Variants in S100A12 observed in about 807,000 individuals in gnomAD.
S100A12 encodes the protein protein S100-A12.
S100A12 carries 3 observed loss-of-function variants against 4.0 expected under a neutral mutation model. The ratio of observed to expected loss-of-function variants is 0.75; its 90% CI spans 0.34 to 1.94. The LOEUF (loss-of-function observed/expected upper bound fraction) is 1.94, where lower values mean the gene tolerates loss of function less well. Among genes scored for constraint, S100A12 ranks in the 30% most tolerant of loss-of-function variants. The pLI is 0.07. For synonymous variants in S100A12, 50 were observed against 41.4 expected (o/e 1.21, Z -0.79); for missense variants, 122 against 107.0 (o/e 1.14, Z -0.62).
At chr1:153,374,324 G>C (rs1455565571) in intron 2 of S100A12, 131 bp downstream of exon 2, 3 of 805,950 alleles carry the variant, frequency 3.7e-6, no homozygotes, top group Non-Finnish European at 5.9e-6. Flanking sequence ...GCAGCGGGGA[G>C]AGCATCCTTT....
intron 1 of S100A12, among the ~76,000 whole-genome samples, 167 bp from the exon 2 acceptor site, chr1:153,374,779 G>A (rs946551834): frequency 2.0e-5 from 3 of 152,128 alleles, no homozygotes; most frequent in African/African-American, 4.8e-5. Context: ...TGTGTGGATA[G>A]GATGGGGAGG....
chr1:153,374,166 C>G (rs1006051090), intron 2 of S100A12, 199 bp from the exon 3 acceptor site: 1 of 707,330 alleles, frequency 1.4e-6, no homozygotes, highest in African/African-American at 1.8e-5. Flanking sequence ...AAGGCTTGAC[C>G]TGGAAGGTAC....
Position 153,374,517 on chromosome 1 carries a change from C to A in S100A12, c.76G>T (p.Asp26Tyr). Reference sequence around the variant, plus strand: ...TTCAGCTCACCCTTAGAGAGGGTGTCAAAATGCCCCTTCCGAACTGAGTAT... The same window carrying A: ...TTCAGCTCACCCTTAGAGAGGGTGTAAAAATGCCCCTTCCGAACTGAGTAT... ...HQYSVRKGHF[D>Y]TLSKGELKQL... Residue 26 changes from aspartate (D) to tyrosine (Y), a missense_variant, in exon 2 of 3, where the codon GAC becomes TAC. By Grantham distance (160) the Asp-to-Tyr change is radical. Transcript: ENST00000368737. 1 of 1,613,668 alleles carries A rather than the reference C, an allele frequency of 6.2e-7. No homozygotes were observed. The highest frequency in any genetic ancestry group is 1.1e-5 in the South Asian group (1 of 91,076).
chr1:153,374,352 C>G (rs878993909), intron 2 of S100A12, 103 bp downstream of exon 2: 6 of 1,221,676 alleles, frequency 4.9e-6, no homozygotes, highest in Non-Finnish European at 5.7e-6. Flanking sequence ...CAAACTGGGG[C>G]CAACCCCACC....
In S100A12 at chr1:153,374,413, C is replaced by A. The variant is rs759679650; in HGVS notation, c.138+42G>T. 7 of 1,591,674 alleles carry A rather than the reference C, an allele frequency of 4.4e-6. 1 individual carries two copies. In the South Asian group the frequency reaches 6.9e-5, roughly 16 times the overall value. Reference sequence around the variant, plus strand: ...CCAGGCCTTGCCACTCCCCTCAGTGCAGGGTCATGGGCAAGTTTGCAGTGA... The same window carrying A: ...CCAGGCCTTGCCACTCCCCTCAGTGAAGGGTCATGGGCAAGTTTGCAGTGA... On this transcript the variant is annotated intron_variant, in intron 2 of 2. Coordinates refer to ENST00000368737, the MANE Select transcript of S100A12 (RefSeq NM_005621.2).
At position 153,374,444 on chromosome 1, in the gene S100A12, G is replaced by T. The variant is rs1333859457; in HGVS notation, c.138+11C>A. The T allele has an allele frequency of 3.1e-6, 5 of 1,609,606 alleles. No individual in the cohort carries two copies. Among genetic ancestry groups the T allele is most frequent in the Non-Finnish European group, 4.2e-6 (5 of 1,177,834 alleles). On this transcript the variant is annotated intron_variant, in intron 2 of 2. Coordinates refer to ENST00000368737, the MANE Select transcript of S100A12 (RefSeq NM_005621.2). ...CATGGGCAAGTTTGCAGTGAGAGGG[G>T]CATCACCTACCTTGATGGTGTTTGC...
intron 2 of S100A12, 57 bp downstream of exon 2, chr1:153,374,398 C>A: frequency 6.4e-7 from 1 of 1,550,946 alleles, no homozygotes; most frequent in Middle Eastern, 2.2e-4. Context: ...CCAGGCCTTG[C>A]CACTCCCCTC....
chr1:153,374,759 G>A, intron 1 of S100A12, 147 bp from the exon 2 acceptor site: 1 of 620,848 alleles, frequency 1.6e-6, no homozygotes, highest in Non-Finnish European at 2.9e-6. Context: ...GATCCATGGT[G>A]AACTTCTCAT....
chr1:153,374,868 G>A (rs1436002941), intron 1 of S100A12, among the ~76,000 whole-genome samples: 1 of 152,154 alleles, frequency 6.6e-6, no homozygotes, highest in Non-Finnish European at 1.5e-5. Context: ...ATCCACCGGG[G>A]TGCATAACTT....
At chr1:153,374,178 C>A in intron 2 of S100A12, 2 of 689,652 alleles carry the variant, frequency 2.9e-6, no homozygotes, top group Non-Finnish European at 2.6e-6. Context: ...GGAAGGTACT[C>A]TTCTGCTCAC....
At chr1:153,374,686 G>A in intron 1 of S100A12, 74 bp from the exon 2 acceptor site, 1 of 980,296 alleles carries the variant, frequency 1.0e-6, no homozygotes, top group Non-Finnish European at 1.6e-6. Context: ...CTCTCTTTCT[G>A]AATCAAGGGC....
chr1:153,374,572 A>G lies in S100A12; in HGVS notation c.21T>C (p.His7=), dbSNP rs1661687284. The G allele has an allele frequency of 6.2e-7, 1 of 1,613,794 alleles. No homozygotes were observed. The highest frequency in any genetic ancestry group is 1.3e-5 in the African/African-American group (1 of 74,900). ...GGAAGATATTGACAATTCCCTCCAG[A>G]TGCTCTTCAAGTTTTGTCATCTTCC... The part of the protein sequence containing the change: MTKLEE[H]LEGIVNIFHQ... Residue 7 remains histidine, a synonymous_variant, in exon 2 of 3, where the codon CAT becomes CAC. Coordinates refer to ENST00000368737, the MANE Select transcript of S100A12 (RefSeq NM_005621.2).
chr1:153,374,063 C>G, intron 2 of S100A12, 96 bp from the exon 3 acceptor site: 1 of 1,127,028 alleles, frequency 8.9e-7, no homozygotes, highest in Non-Finnish European at 1.3e-6. Context: ...TTGTGAAGGC[C>G]CAGGCACATT....
chr1:153,374,732 T>C, intron 1 of S100A12, 120 bp from the exon 2 acceptor site: 1 of 686,538 alleles, frequency 1.5e-6, no homozygotes, highest in Non-Finnish European at 2.5e-6. Flanking sequence ...ATCTATTTTG[T>C]GGTCTCTGCT....
chr1:153,374,118 CAG>C (rs576892301), intron 2 of S100A12, 151 bp from the exon 3 acceptor site: 4 of 804,584 alleles, frequency 5.0e-6, no homozygotes, highest in Non-Finnish European at 8.6e-6. Context: ...TGTAACAAAA[CAG>C]AGAACACAAT....
chr1:153,374,105 C>T (rs1661679305), intron 2 of S100A12, 138 bp from the exon 3 acceptor site: 3 of 845,856 alleles, frequency 3.5e-6, no homozygotes, highest in Non-Finnish European at 6.0e-6. Context: ...TTGGAGAATC[C>T]AGTGTAACAA....
intron 1 of S100A12, among the ~76,000 whole-genome samples, chr1:153,375,089 C>T (rs1370948686): frequency 6.6e-6 from 1 of 152,162 alleles, no homozygotes; most frequent in Admixed American, 6.5e-5. Flanking sequence ...CTCTGCCGCC[C>T]AGGCTGGAGT....
chr1:153,375,215 T>G (rs1241435455), intron 1 of S100A12, among the ~76,000 whole-genome samples: 1 of 151,834 alleles, frequency 6.6e-6, no homozygotes, highest in Admixed American at 6.6e-5. Flanking sequence ...CCCGGCTAAT[T>G]TTTTGTATTT....
At chr1:153,374,203 C>T (rs897707984) in intron 2 of S100A12, among the ~76,000 whole-genome samples, 146 of 152,186 alleles carry the variant, frequency 9.6e-4, no homozygotes, top group African/African-American at 3.4e-3. Context: ...TCAACCCCTC[C>T]CGTGCCCTGC....
Sources: gnomAD v4.1 joint callset for allele counts (sites outside exome capture counted in the v4.1 genomes callset) on GRCh38, gnomAD v4.1.1 for gene constraint, MANE v1.5 for transcripts, NCBI Gene and HGNC (gene_info 2026-07-23, HGNC 2026-07-21) for gene names.